Variants in SORCS1 observed in about 807,000 individuals in gnomAD.
The protein encoded by SORCS1 is VPS10 domain-containing receptor SorCS1.
A neutral mutation model predicts 146.1 loss-of-function variants in SORCS1; 60 were observed. That is an observed-to-expected ratio of 0.41 (90% CI 0.33 to 0.51). SORCS1 has a LOEUF of 0.51. SORCS1 is among the 20% of genes least tolerant of loss of function. The probability of loss-of-function intolerance (pLI) is 0.21; values close to 1 mark genes in which losing one functional copy is unlikely to be tolerated. For missense variants in SORCS1, 1,352 were observed against 1,487.6 expected (o/e 0.91, Z 1.50); for synonymous variants, 637 against 584.0 (o/e 1.09, Z -1.31).
At chr10:106,863,677 A>G (rs1950112363) in intron 2 of SORCS1, among the ~76,000 whole-genome samples, 1 of 151,400 alleles carries the variant, frequency 6.6e-6, no homozygotes, top group Non-Finnish European at 1.5e-5. Flanking sequence ...CTCACAGGCA[A>G]TATCTGTTTC....
intron 1 of SORCS1, among the ~76,000 whole-genome samples, chr10:107,070,916 T>C (rs202232034): frequency 1.3e-5 from 2 of 151,780 alleles, no homozygotes; most frequent in Non-Finnish European, 2.9e-5. Context: ...AGGTAAGATA[T>C]CTTAAAAAAA....
intron 23 of SORCS1, among the ~76,000 whole-genome samples, chr10:106,603,027 T>A (rs1017077217): frequency 6.6e-6 from 1 of 152,192 alleles, no homozygotes; most frequent in African/African-American, 2.4e-5. Flanking sequence ...GGTTGACATT[T>A]TTTTCACATC....
chr10:106,833,621 T>C (rs961552897), intron 2 of SORCS1, among the ~76,000 whole-genome samples: 4 of 152,168 alleles, frequency 2.6e-5, no homozygotes, highest in Non-Finnish European at 5.9e-5. Flanking sequence ...ATCAAAAGAT[T>C]GAGGCCTGGC....
intron 2 of SORCS1, among the ~76,000 whole-genome samples, chr10:106,920,954 C>A (rs1952681791): frequency 6.6e-6 from 1 of 152,094 alleles, no homozygotes; most frequent in African/African-American, 2.4e-5. Flanking sequence ...CCTGAGAGGA[C>A]CCCAGCAACA....
chr10:106,955,219 C>T (rs543593494), intron 2 of SORCS1, among the ~76,000 whole-genome samples: 1 of 152,228 alleles, frequency 6.6e-6, no homozygotes, highest in African/African-American at 2.4e-5. Flanking sequence ...TGTAACACCC[C>T]CTTTGCAGTT....
intron 4 of SORCS1, among the ~76,000 whole-genome samples, chr10:106,767,737 T>C (rs1020393617): frequency 1.3e-5 from 2 of 152,132 alleles, no homozygotes; most frequent in Non-Finnish European, 2.9e-5. Context: ...GAGATCTGCC[T>C]GCCTTGGCCT....
chr10:106,940,032 C>T (rs1333326065), intron 2 of SORCS1, among the ~76,000 whole-genome samples: 1 of 152,296 alleles, frequency 6.6e-6, no homozygotes, highest in East Asian at 1.9e-4. Flanking sequence ...ATGCGCCAGA[C>T]ATTACATTTG....
chr10:107,092,677 A>C (rs1358717066), intron 1 of SORCS1, among the ~76,000 whole-genome samples: 1 of 152,198 alleles, frequency 6.6e-6, no homozygotes, highest in Non-Finnish European at 1.5e-5. Context: ...GAGAGCTATC[A>C]CAACTTTATT....
chr10:106,768,012 A>T (rs1312953613), intron 4 of SORCS1, among the ~76,000 whole-genome samples: 1 of 152,220 alleles, frequency 6.6e-6, no homozygotes, highest in Non-Finnish European at 1.5e-5. Flanking sequence ...AAACAGGCAA[A>T]TCAAACTGTT....
intron 1 of SORCS1, among the ~76,000 whole-genome samples, chr10:106,974,824 T>C (rs1264722456): frequency 1.3e-5 from 2 of 152,178 alleles, no homozygotes; most frequent in Admixed American, 6.6e-5. Context: ...AGAATGAAAA[T>C]GCAATCCAAG....
At chr10:106,978,587 C>G (rs1223325326) in intron 1 of SORCS1, among the ~76,000 whole-genome samples, 1 of 152,034 alleles carries the variant, frequency 6.6e-6, no homozygotes, top group Non-Finnish European at 1.5e-5. Flanking sequence ...ATCATGAGGT[C>G]AGGAGTTTGA....
At chr10:107,023,117 C>A (rs781373628) in intron 1 of SORCS1, among the ~76,000 whole-genome samples, 3 of 152,148 alleles carry the variant, frequency 2.0e-5, no homozygotes, top group Non-Finnish European at 4.4e-5. Flanking sequence ...AGAGTTACAT[C>A]AGATAATGCA....
the SORCS1 span, among the ~76,000 whole-genome samples, chr10:107,178,187 G>A: frequency 2.0e-5 from 3 of 152,114 alleles, no homozygotes; most frequent in Admixed American, 2.0e-4. Flanking sequence ...GAAATTTGCA[G>A]TATATTGTTG....
chr10:106,712,872 G>C (rs1855098218), intron 6 of SORCS1, among the ~76,000 whole-genome samples: 1 of 152,162 alleles, frequency 6.6e-6, no homozygotes, highest in East Asian at 1.9e-4. Context: ...GGATCTGTCA[G>C]CTCATCTTTT....
Position 106,709,417 on chromosome 10 carries a change from G to A in SORCS1, c.1025-76C>T, listed in dbSNP as rs1007059631. 1.3e-5 allele frequency: 10 copies of A among 756,080 alleles called. No individual in the cohort carries two copies. In the African/African-American group the frequency reaches 1.5e-4, roughly 11 times the overall value. 46.8% of individuals were successfully genotyped at this position (756,080 alleles called of 1,614,324 possible). On this transcript the variant is annotated intron_variant, in intron 6 of 25. Transcript: ENST00000263054. ...ACAGAGATTTACAGTCAGGGTGGACGTTTGATATTTCCCTTACCATTTCCA... is the reference window on the plus strand; with the variant it reads ...ACAGAGATTTACAGTCAGGGTGGACATTTGATATTTCCCTTACCATTTCCA...
At chr10:106,751,487 G>A (rs1011223829) in intron 5 of SORCS1, among the ~76,000 whole-genome samples, 8 of 152,160 alleles carry the variant, frequency 5.3e-5, no homozygotes, top group African/African-American at 1.9e-4. Flanking sequence ...GTAAAGGACA[G>A]GCTCGCACTG....
chr10:106,578,733 C>T (rs1369705702), intron 25 of SORCS1: 2 of 1,103,516 alleles, frequency 1.8e-6, no homozygotes, highest in Admixed American at 4.8e-5. Context: ...CCTGCCCAGC[C>T]CTCTGGTCCA....
intron 24 of SORCS1, among the ~76,000 whole-genome samples, chr10:106,594,635 C>A (rs1156953467): frequency 6.6e-6 from 1 of 152,158 alleles, no homozygotes; most frequent in Non-Finnish European, 1.5e-5. Context: ...GCTTGACCTC[C>A]AGTGCTCTCC....
rs576198993 is a variant in SORCS1 at position 106,681,843 on chromosome 10, T to A, written c.1561-2109A>T. 9.9e-5 allele frequency among the ~76,000 whole-genome samples: 15 copies of A among 152,208 alleles called. No individual in the cohort carries two copies. The South Asian group carries it at 3.1e-3, about 32-fold the overall frequency. ...CAGTTGCCATTACAAAAGAAAGATG[T>A]CAGGCCGGGCATGGTGGCTCACGCC... On this transcript the variant is annotated intron_variant, in intron 10 of 25. Coordinates refer to ENST00000263054, the MANE Select transcript of SORCS1 (RefSeq NM_052918.5).
Sources: gnomAD v4.1 joint callset for allele counts (sites outside exome capture counted in the v4.1 genomes callset) on GRCh38, gnomAD v4.1.1 for gene constraint, MANE v1.5 for transcripts, NCBI Gene and HGNC (gene_info 2026-07-23, HGNC 2026-07-21) for gene names.